CSNK2A2IP: variants seen among roughly 807,000 people sequenced by gnomAD.
CSNK2A2IP encodes the protein casein kinase II subunit alpha'-interacting protein.
At chr3:88,350,500 G>A in the CSNK2A2IP span, among the ~76,000 whole-genome samples, 1 of 151,712 alleles carries the variant, frequency 6.6e-6, no homozygotes, top group African/African-American at 2.4e-5. Flanking sequence ...AAGATGAGAG[G>A]GGCAAAAGAG....
At chr3:88,358,526 TG>T in the CSNK2A2IP span, among the ~76,000 whole-genome samples, 2 of 118,364 alleles carry the variant, frequency 1.7e-5, no homozygotes, top group African/African-American at 2.6e-5. Context: ...TGTTGTGAGC[TG>T]TTTTTTTTTT....
At chr3:88,414,526 C>G in the CSNK2A2IP span, among the ~76,000 whole-genome samples, 3 of 151,830 alleles carry the variant, frequency 2.0e-5, no homozygotes, top group Admixed American at 1.3e-4. Flanking sequence ...CATGATCCAC[C>G]TGCCTTTGCC....
At chr3:88,450,521 A>G in the CSNK2A2IP span, among the ~76,000 whole-genome samples, 2 of 152,084 alleles carry the variant, frequency 1.3e-5, no homozygotes, top group African/African-American at 2.4e-5. Context: ...CATTCTACAT[A>G]TAAAGGAGAT....
chr3:88,459,282 G>T, the CSNK2A2IP span, among the ~76,000 whole-genome samples: 1 of 152,010 alleles, frequency 6.6e-6, no homozygotes. Context: ...TAGGATACCT[G>T]TGTTTTTATT....
chr3:88,449,391 A>G, the CSNK2A2IP span, among the ~76,000 whole-genome samples: 31 of 152,136 alleles, frequency 2.0e-4, no homozygotes, highest in African/African-American at 5.3e-4. Flanking sequence ...TCAGAAAATA[A>G]CCTTGTTTGC....
At chr3:88,357,979 T>C in the CSNK2A2IP span, among the ~76,000 whole-genome samples, 1 of 152,090 alleles carries the variant, frequency 6.6e-6, no homozygotes, top group African/African-American at 2.4e-5. Context: ...TGCCCACCTC[T>C]GCCTCTCAAA....
the CSNK2A2IP span, among the ~76,000 whole-genome samples, chr3:88,376,624 A>G: frequency 6.6e-6 from 1 of 151,394 alleles, no homozygotes; most frequent in African/African-American, 2.4e-5. Context: ...ATTTTTTTTC[A>G]GCCTACAAAT....
the CSNK2A2IP span, among the ~76,000 whole-genome samples, chr3:88,366,792 T>C: frequency 6.6e-6 from 1 of 152,114 alleles, no homozygotes; most frequent in African/African-American, 2.4e-5. Flanking sequence ...GAAAAAGACG[T>C]AACTGAGACT....
chr3:88,355,529 TG>T, the CSNK2A2IP span, among the ~76,000 whole-genome samples: 1 of 152,186 alleles, frequency 6.6e-6, no homozygotes, highest in African/African-American at 2.4e-5. Context: ...CTCTAGAACC[TG>T]TACAGACTTC....
chr3:88,386,228 G>A, the CSNK2A2IP span, among the ~76,000 whole-genome samples: 3 of 151,858 alleles, frequency 2.0e-5, no homozygotes, highest in African/African-American at 4.8e-5. Flanking sequence ...AGGTTCAAGC[G>A]ATTCTCCCGC....
the CSNK2A2IP span, chr3:88,431,233 A>G: frequency 1.3e-5 from 2 of 152,250 alleles, no homozygotes; most frequent in Non-Finnish European, 2.9e-5. Context: ...AATTGTTCAC[A>G]GTCAGTTACA....
the CSNK2A2IP span, among the ~76,000 whole-genome samples, chr3:88,424,243 C>G: frequency 6.6e-6 from 1 of 152,084 alleles, no homozygotes; most frequent in Non-Finnish European, 1.5e-5. Flanking sequence ...AAATATTTTT[C>G]TCATGTTAAA....
the CSNK2A2IP span, among the ~76,000 whole-genome samples, chr3:88,423,094 A>C: frequency 6.6e-6 from 1 of 152,206 alleles, no homozygotes; most frequent in Non-Finnish European, 1.5e-5. Flanking sequence ...TTACCGTGTC[A>C]CAGTGTTTGA....
the CSNK2A2IP span, among the ~76,000 whole-genome samples, chr3:88,424,397 G>A: frequency 1.3e-5 from 2 of 152,160 alleles, no homozygotes; most frequent in Non-Finnish European, 2.9e-5. Context: ...ATAATGTGAC[G>A]TTGTACAAAC....
the CSNK2A2IP span, among the ~76,000 whole-genome samples, chr3:88,445,987 T>C: frequency 6.7e-6 from 1 of 149,938 alleles, no homozygotes; most frequent in Non-Finnish European, 1.5e-5. Flanking sequence ...TCTTTCTTTC[T>C]TTTTTCTTTC....
chr3:88,360,788 G>A, the CSNK2A2IP span, among the ~76,000 whole-genome samples: 1 of 151,206 alleles, frequency 6.6e-6, no homozygotes, highest in African/African-American at 2.4e-5. Context: ...TGTATAAGTG[G>A]ATTTCTCTGG....
the CSNK2A2IP span, among the ~76,000 whole-genome samples, chr3:88,446,532 G>C: frequency 6.6e-6 from 1 of 151,926 alleles, no homozygotes; most frequent in Non-Finnish European, 1.5e-5. Flanking sequence ...CCTTTTTTAG[G>C]GTCCAGAGTT....
the CSNK2A2IP span, among the ~76,000 whole-genome samples, chr3:88,426,275 A>G: frequency 6.6e-6 from 1 of 152,180 alleles, no homozygotes; most frequent in Non-Finnish European, 1.5e-5. Context: ...AAGAGTTAGA[A>G]GTGACATTCT....
chr3:88,454,492 C>T, the CSNK2A2IP span, among the ~76,000 whole-genome samples: 1 of 151,802 alleles, frequency 6.6e-6, no homozygotes, highest in Non-Finnish European at 1.5e-5. Context: ...AATCTATGCT[C>T]AACCCCAAAT....
Sources: gnomAD v4.1 joint callset for allele counts (sites outside exome capture counted in the v4.1 genomes callset) on GRCh38, gnomAD v4.1.1 for gene constraint, MANE v1.5 for transcripts, NCBI Gene and HGNC (gene_info 2026-07-23, HGNC 2026-07-21) for gene names.